Variants in CATSPERG observed in about 807,000 individuals in gnomAD.
The protein encoded by CATSPERG is cation channel sperm-associated auxiliary subunit gamma.
Under a neutral mutation model 145.0 loss-of-function variants are expected in CATSPERG, and 115 were observed. The observed-to-expected ratio is 0.79, with a 90% CI of 0.68 to 0.93. The LOEUF is 0.93. CATSPERG is among the 40% of genes least tolerant of loss of function. The pLI is 0.00. For synonymous variants in CATSPERG, 588 were observed against 589.0 expected, an observed-to-expected ratio of 1.00 and a Z score of 0.02; for missense variants, 1,296 against 1,490.1, an observed-to-expected ratio of 0.87 and a Z score of 2.14.
chr19:38,358,203 AAAC>A (rs1970280665), intron 11 of CATSPERG, 72 bp from the exon 12 acceptor site: 2 of 1,502,332 alleles, frequency 1.3e-6, no homozygotes, highest in Admixed American at 3.4e-5. Context: ...GCTGAGAAGC[AAAC>A]AACTTGCTCC....
chr19:38,348,634 C>T (rs1970083607), intron 7 of CATSPERG, among the ~76,000 whole-genome samples: 1 of 151,912 alleles, frequency 6.6e-6, no homozygotes, highest in South Asian at 2.1e-4. Context: ...CCACCACACC[C>T]AGCTAATTTT....
At chr19:38,367,979 G>T in intron 25 of CATSPERG, 69 bp from the exon 26 acceptor site, 3 of 1,441,186 alleles carry the variant, frequency 2.1e-6, no homozygotes, top group South Asian at 2.3e-5. Flanking sequence ...CCTCCACACT[G>T]ACCACTGAGG....
intron 6 of CATSPERG, among the ~76,000 whole-genome samples, chr19:38,344,897 A>ATT (rs1338386699): frequency 1.9e-5 from 2 of 104,618 alleles, no homozygotes; most frequent in Non-Finnish European, 1.9e-5. Flanking sequence ...ATATATATAT[A>ATT]TATATTTTTT....
intron 28 of CATSPERG, 68 bp from the exon 29 acceptor site, chr19:38,370,458 T>C: frequency 6.3e-7 from 1 of 1,591,184 alleles, no homozygotes; most frequent in Non-Finnish European, 8.6e-7. Context: ...CCTGTCACTG[T>C]GGATGCAGAT....
intron 25 of CATSPERG, 113 bp downstream of exon 25, chr19:38,367,889 C>A: frequency 8.4e-7 from 1 of 1,189,290 alleles, no homozygotes; most frequent in Non-Finnish European, 1.2e-6. Flanking sequence ...AGGCCCTGCC[C>A]ACAGTGGGGC....
chr19:38,358,115 CA>C (rs1345216261), intron 11 of CATSPERG, 162 bp from the exon 12 acceptor site: 18 of 655,860 alleles, frequency 2.7e-5, no homozygotes, highest in East Asian at 2.2e-4. Context: ...GATCCTGTCT[CA>C]GGGGGGAAAT....
intron 3 of CATSPERG, among the ~76,000 whole-genome samples, chr19:38,340,227 G>T (rs958472122): frequency 4.0e-5 from 6 of 151,584 alleles, no homozygotes; most frequent in Non-Finnish European, 8.9e-5. Flanking sequence ...AAATATAAGG[G>T]TTTCTTTCTG....
chr19:38,343,788 CTG>C (rs753073527), intron 4 of CATSPERG, 64 bp downstream of exon 4: 22 of 1,509,976 alleles, frequency 1.5e-5, no homozygotes, highest in Non-Finnish European at 2.0e-5. Context: ...CTGGGGGCCT[CTG>C]TGGGGCCATG....
rs914975534 is a variant in CATSPERG, at chr19:38,358,330, T to C, written c.1366+2T>C. On this transcript the variant is annotated splice_donor_variant, in intron 12 of 28. Transcript: ENST00000409235. LOFTEE classifies it high-confidence loss of function. Reference sequence around the variant, plus strand: ...ACATCCCAGAATTCATCCCTGAAGGTAGGAAGGGAAGGCAGACGTGGCCTC... The same window carrying C: ...ACATCCCAGAATTCATCCCTGAAGGCAGGAAGGGAAGGCAGACGTGGCCTC... 1 of 1,613,940 alleles carries C rather than the reference T, an allele frequency of 6.2e-7. No individual in the cohort carries two copies. Among genetic ancestry groups the C allele is most frequent in the Non-Finnish European group, 8.5e-7 (1 of 1,180,000 alleles).
rs146134470 is a variant in CATSPERG, at chr19:38,337,483, C to T, written c.249C>T (p.Asp83=). The change falls in exon 2 of 29, where the codon GAC becomes GAT. Residue 83 remains aspartate, a synonymous_variant. Transcript: ENST00000409235. The part of the protein sequence containing the change: ...TVSSLFHMLV[D]SPIDPSEKYL... The stretch of plus-strand genomic sequence containing the variant: ...GCAGCTTGTTTCACATGCTGGTGGA[C>T]TCACCCATCGACCCGAGCGAGGTGA... 14 of 1,552,086 alleles carry T rather than the reference C, an allele frequency of 9.0e-6. No homozygotes were observed. Among genetic ancestry groups the T allele is most frequent in the Non-Finnish European group, 1.2e-5 (14 of 1,147,090 alleles).
intron 7 of CATSPERG, among the ~76,000 whole-genome samples, chr19:38,350,559 A>G (rs1181172551): frequency 1.3e-5 from 2 of 152,088 alleles, no homozygotes. Context: ...TTGTATTTTT[A>G]GTAGAGATGG....
chr19:38,344,694 GTACATACATATATAGTACA>G, intron 6 of CATSPERG, among the ~76,000 whole-genome samples: 1 of 148,268 alleles, frequency 6.7e-6, no homozygotes, highest in Non-Finnish European at 1.5e-5. Context: ...GTACATACCT[GTACATACATATATAGTACA>G]TACCTGTACA....
chr19:38,336,665 G>A, intron 1 of CATSPERG: 1 of 241,194 alleles, frequency 4.1e-6, no homozygotes, highest in Non-Finnish European at 8.4e-6. Flanking sequence ...TTGGGGCACA[G>A]CCGGGTGGAA....
Position 38,359,600 on chromosome 19 carries a change from C to G in CATSPERG, c.1608+19C>G. On this transcript the variant is annotated intron_variant, in intron 14 of 28. Coordinates refer to ENST00000409235, the MANE Select transcript of CATSPERG (RefSeq NM_021185.5). ...GGAGGAGGTGGGCTGCCCCGCCCCT[C>G]TCCCCGTTCCCTCTCTGCCCACCCC... 6.2e-7 allele frequency: 1 copy of G among 1,601,938 alleles called. No homozygotes were observed. The highest frequency in any genetic ancestry group is 8.5e-7 in the Non-Finnish European group (1 of 1,173,062).
intron 11 of CATSPERG, chr19:38,357,944 T>G (rs1434470181): frequency 3.9e-6 from 1 of 253,810 alleles, no homozygotes; most frequent in African/African-American, 2.3e-5. Flanking sequence ...AGAGCGAGAC[T>G]CCATCTCGAA....
At chr19:38,364,828 T>C (rs1341315154) in intron 20 of CATSPERG, 63 bp from the exon 21 acceptor site, 24 of 1,300,930 alleles carry the variant, frequency 1.8e-5, no homozygotes, top group African/African-American at 2.9e-5. Flanking sequence ...TTGAACTGTT[T>C]GTTGGACTTT....
chr19:38,370,768 C>T lies in CATSPERG; in HGVS notation c.3456C>T (p.Ala1152=), dbSNP rs142157540. The T allele has an allele frequency of 1.9e-5, 30 of 1,613,826 alleles. No homozygotes were observed. Among genetic ancestry groups the T allele is most frequent in the Middle Eastern group, 1.6e-4 (1 of 6,078 alleles). Residue 1152 remains alanine, a synonymous_variant, in exon 29 of 29, where the codon GCC becomes GCT. Transcript: ENST00000409235. ...MTEDRAEPKE[A]VERQLMT Reference sequence around the variant, plus strand: ...AGGACAGGGCTGAACCCAAGGAAGCCGTGGAGAGACAGTTGATGACCTGAG... The same window carrying T: ...AGGACAGGGCTGAACCCAAGGAAGCTGTGGAGAGACAGTTGATGACCTGAG...
At chr19:38,351,135 G>T (rs557817345) in intron 7 of CATSPERG, among the ~76,000 whole-genome samples, 1 of 152,104 alleles carries the variant, frequency 6.6e-6, no homozygotes, top group Non-Finnish European at 1.5e-5. Context: ...ACTTGGTACA[G>T]CTCAGGTCCC....
chr19:38,335,916 G>A (rs1969825159), intron 1 of CATSPERG, 41 bp downstream of exon 1: 1 of 276,370 alleles, frequency 3.6e-6, no homozygotes, highest in South Asian at 2.9e-5. Flanking sequence ...ATCCAGGGGC[G>A]GGGGGATGCC....
Sources: allele counts gnomAD v4.1 joint callset (sites outside exome capture counted in the v4.1 genomes callset), GRCh38; gene constraint gnomAD v4.1.1; transcripts MANE v1.5; gene names NCBI Gene and HGNC (gene_info 2026-07-23, HGNC 2026-07-21).